SLC4A5: variants seen among roughly 807,000 people sequenced by gnomAD.
SLC4A5 encodes the protein solute carrier family 4 member 5, also known as electrogenic sodium bicarbonate cotransporter 4.
Under a neutral mutation model 120.4 loss-of-function variants are expected in SLC4A5, and 96 were observed. The ratio of observed to expected loss-of-function variants is 0.80; its 90% confidence interval spans 0.68 to 0.94. The LOEUF is 0.94. Among genes scored for constraint, SLC4A5 ranks in the 40% least tolerant of loss-of-function variants. The pLI, the probability that SLC4A5 is intolerant of heterozygous loss-of-function variation, is 0.00. For synonymous variants in SLC4A5, 550 were observed against 571.1 expected (o/e 0.96, Z 0.53); for missense variants, 1,259 against 1,459.5 (o/e 0.86, Z 2.24).
intron 3 of SLC4A5, among the ~76,000 whole-genome samples, chr2:74,334,607 T>G (rs1158159809): frequency 6.6e-6 from 1 of 152,210 alleles, no homozygotes. Flanking sequence ...TTTTTGTCTG[T>G]TCCTCCAATA....
chr2:74,228,736 G>A (rs1438929842), intron 25 of SLC4A5, among the ~76,000 whole-genome samples: 1 of 135,446 alleles, frequency 7.4e-6, no homozygotes, highest in Non-Finnish European at 1.6e-5. Flanking sequence ...CAGAACAAAA[G>A]TGTGTAAACT....
intron 7 of SLC4A5, among the ~76,000 whole-genome samples, chr2:74,294,223 A>C (rs541538096): frequency 6.6e-6 from 1 of 152,164 alleles, no homozygotes; most frequent in Non-Finnish European, 1.5e-5. Flanking sequence ...TGAGTTCCCT[A>C]CGCCACTCTG....
intron 23 of SLC4A5, among the ~76,000 whole-genome samples, chr2:74,233,003 G>C (rs982857794): frequency 2.6e-5 from 4 of 152,192 alleles, no homozygotes; most frequent in Admixed American, 6.5e-5. Context: ...GATGGGGGAG[G>C]GGGTGACCCG....
At chr2:74,277,918 C>CA (rs373384353) in intron 8 of SLC4A5, among the ~76,000 whole-genome samples, 5,483 of 146,174 alleles carry the variant, frequency 0.038, 318 homozygotes, top group African/African-American at 0.13. Context: ...AAGCAAACAA[C>CA]AAAAAAAAAA....
chr2:74,340,797 G>A (rs887563617), intron 2 of SLC4A5, among the ~76,000 whole-genome samples: 4 of 152,122 alleles, frequency 2.6e-5, no homozygotes, highest in Non-Finnish European at 4.4e-5. Context: ...GTGGAAACCA[G>A]GGACTCCCCA....
intron 14 of SLC4A5, among the ~76,000 whole-genome samples, chr2:74,253,520 G>A (rs952533418): frequency 9.2e-5 from 14 of 152,078 alleles, no homozygotes; most frequent in African/African-American, 1.4e-4. Flanking sequence ...GGCTCAGGCC[G>A]TGTTCTTCAC....
intron 7 of SLC4A5, among the ~76,000 whole-genome samples, chr2:74,300,099 C>A (rs182094545): frequency 6.6e-6 from 1 of 152,168 alleles, no homozygotes; most frequent in Non-Finnish European, 1.5e-5. Flanking sequence ...GAGGGCATGA[C>A]GCTAAGTGAA....
At chr2:74,334,857 G>T (rs1381759052) in intron 3 of SLC4A5, among the ~76,000 whole-genome samples, 1 of 152,080 alleles carries the variant, frequency 6.6e-6, no homozygotes, top group African/African-American at 2.4e-5. Context: ...GGAATAGTTA[G>T]TATTAACTAA....
At chr2:74,305,583 T>C (rs947454993) in intron 6 of SLC4A5, among the ~76,000 whole-genome samples, 3 of 152,126 alleles carry the variant, frequency 2.0e-5, no homozygotes, top group Admixed American at 6.5e-5. Context: ...ATTGTATAGA[T>C]ACTTCTATGG....
At chr2:74,256,213 G>T (rs1341550708) in intron 12 of SLC4A5, among the ~76,000 whole-genome samples, 1 of 152,194 alleles carries the variant, frequency 6.6e-6, no homozygotes, top group East Asian at 1.9e-4. Context: ...CTGAGATGTG[G>T]GTTGAGGGGT....
intron 11 of SLC4A5, among the ~76,000 whole-genome samples, chr2:74,261,291 C>A (rs1243647426): frequency 6.6e-6 from 1 of 152,224 alleles, no homozygotes; most frequent in African/African-American, 2.4e-5. Flanking sequence ...ACCCACTGAA[C>A]ACTGCCACTG....
At chr2:74,321,007 G>A (rs1054585672) in intron 5 of SLC4A5, among the ~76,000 whole-genome samples, 23 of 152,236 alleles carry the variant, frequency 1.5e-4, no homozygotes, top group African/African-American at 4.1e-4. Flanking sequence ...ATAGAAACAG[G>A]GTTGATATTC....
intron 6 of SLC4A5, among the ~76,000 whole-genome samples, chr2:74,305,923 G>A (rs927309902): frequency 2.6e-5 from 4 of 151,760 alleles, no homozygotes; most frequent in African/African-American, 4.8e-5. Context: ...ACAGGGTTTC[G>A]CCATGTTAGC....
chr2:74,245,399 G>A (rs1162196103), intron 19 of SLC4A5, among the ~76,000 whole-genome samples: 1 of 152,220 alleles, frequency 6.6e-6, no homozygotes, highest in African/African-American at 2.4e-5. Flanking sequence ...TAGAAGCTAT[G>A]TTTGTGTAAA....
chr2:74,249,699 T>C (rs1265365689), intron 17 of SLC4A5, among the ~76,000 whole-genome samples: 1 of 152,086 alleles, frequency 6.6e-6, no homozygotes, highest in Admixed American at 6.5e-5. Flanking sequence ...AGGGACGCAA[T>C]GTCAGCTGTG....
At chr2:74,304,573 G>A (rs1343858040) in exon 7 of SLC4A5, 1 of 1,614,198 alleles carries the variant, frequency 6.2e-7, no homozygotes, top group Non-Finnish European at 8.5e-7. Flanking sequence ...GGCTGGTCTG[G>A]CCGCAGGCCC....
chr2:74,221,979 T>C lies in SLC4A5; in HGVS notation c.3332-478A>G, dbSNP rs551798770. On this transcript the variant is annotated intron_variant, in intron 29 of 30. Transcript: ENST00000394019. ...TGAGGCTGGGAGGGGTTAAAGGCAG[T>C]AATATAATCTCCCAGGATTTCCATA... 2.0e-5 allele frequency among the ~76,000 whole-genome samples: 3 copies of C among 152,102 alleles called. No homozygotes were observed. In the South Asian group the frequency reaches 6.2e-4, roughly 32 times the overall value.
intron 19 of SLC4A5, among the ~76,000 whole-genome samples, chr2:74,244,468 C>CTT (rs112464262): frequency 1.4e-5 from 2 of 146,224 alleles, no homozygotes; most frequent in East Asian, 2.0e-4. Context: ...CCTTTTCTTT[C>CTT]TCTTTCTTTC....
chr2:74,252,202 C>T, exon 16 of SLC4A5: 2 of 1,612,920 alleles, frequency 1.2e-6, no homozygotes, highest in Non-Finnish European at 8.5e-7. Flanking sequence ...TAAGTTCCTC[C>T]CCGATTTCAT....
Sources: allele counts gnomAD v4.1 joint callset (sites outside exome capture counted in the v4.1 genomes callset), GRCh38; gene constraint gnomAD v4.1.1; transcripts MANE v1.5; gene names NCBI Gene and HGNC (gene_info 2026-07-23, HGNC 2026-07-21).